KIAA1217: variants seen among roughly 807,000 people sequenced by gnomAD.
The protein encoded by KIAA1217 is KIAA1217.
Under a neutral mutation model 163.9 loss-of-function variants are expected in KIAA1217, and 88 were observed. That is an observed-to-expected ratio of 0.54 (90% confidence interval 0.45 to 0.64). The LOEUF is 0.64. KIAA1217 is among the 30% of genes least tolerant of loss of function. The pLI, the probability that KIAA1217 is intolerant of heterozygous loss-of-function variation, is 0.00. For missense variants in KIAA1217, 2,372 were observed against 2,475.0 expected, an observed-to-expected ratio of 0.96 and a Z score of 0.88; for synonymous variants, 903 against 923.1, an observed-to-expected ratio of 0.98 and a Z score of 0.39.
At chr10:24,276,313 GAA>G (rs1564389417) in intron 2 of KIAA1217, among the ~76,000 whole-genome samples, 2 of 152,162 alleles carry the variant, frequency 1.3e-5, no homozygotes, top group African/African-American at 4.8e-5. Context: ...TTTGAAAAAT[GAA>G]AGTCTTTTCA....
At chr10:24,243,847 T>C (rs1191535513) in intron 2 of KIAA1217, among the ~76,000 whole-genome samples, 2 of 152,150 alleles carry the variant, frequency 1.3e-5, no homozygotes, top group African/African-American at 4.8e-5. Context: ...GATCCTGTTT[T>C]AGAAGCCCAG....
intron 1 of KIAA1217, among the ~76,000 whole-genome samples, chr10:23,704,158 G>A (rs1455678916): frequency 2.7e-5 from 2 of 75,174 alleles, no homozygotes; most frequent in East Asian, 3.8e-4. Context: ...GTGTGTGTGT[G>A]TGTGTGTGTG....
intron 1 of KIAA1217, among the ~76,000 whole-genome samples, chr10:23,919,364 G>A (rs1009642439): frequency 1.3e-5 from 2 of 151,874 alleles, no homozygotes; most frequent in African/African-American, 4.8e-5. Flanking sequence ...CCAGCACTTT[G>A]GGAGGCCGAG....
chr10:24,103,544 A>C (rs2062501872), intron 2 of KIAA1217, among the ~76,000 whole-genome samples: 1 of 152,310 alleles, frequency 6.6e-6, no homozygotes, highest in African/African-American at 2.4e-5. Flanking sequence ...AACTCTTAAA[A>C]CCCAACAATA....
chr10:23,966,895 G>A (rs772147733), intron 1 of KIAA1217, among the ~76,000 whole-genome samples: 15 of 152,282 alleles, frequency 9.9e-5, no homozygotes, highest in South Asian at 4.1e-4. Flanking sequence ...TCTGCAATAT[G>A]TAGGCCATGT....
At chr10:24,468,261 G>A (rs964287132) in intron 5 of KIAA1217, among the ~76,000 whole-genome samples, 21 of 152,128 alleles carry the variant, frequency 1.4e-4, no homozygotes, top group African/African-American at 4.8e-4. Context: ...TTTATGGTAG[G>A]ATTCCCAAGT....
At chr10:24,238,369 G>A (rs1158529102) in intron 2 of KIAA1217, among the ~76,000 whole-genome samples, 5 of 152,146 alleles carry the variant, frequency 3.3e-5, no homozygotes, top group Non-Finnish European at 7.3e-5. Flanking sequence ...TAGACCTGGG[G>A]AGTAAGAGGT....
chr10:23,734,734 C>A (rs1285944797), intron 1 of KIAA1217, among the ~76,000 whole-genome samples: 1 of 152,040 alleles, frequency 6.6e-6, no homozygotes, highest in African/African-American at 2.4e-5. Context: ...GTGAGTCATC[C>A]ATGTTGCTGC....
chr10:24,110,837 G>C (rs1384418994), intron 2 of KIAA1217, among the ~76,000 whole-genome samples: 2 of 152,190 alleles, frequency 1.3e-5, no homozygotes, highest in Admixed American at 6.5e-5. Flanking sequence ...GAGCAGAGCA[G>C]GTTTTAGTTT....
At chr10:24,116,617 T>C (rs958295928) in intron 2 of KIAA1217, among the ~76,000 whole-genome samples, 8 of 152,192 alleles carry the variant, frequency 5.3e-5, no homozygotes, top group African/African-American at 1.9e-4. Context: ...GGATCCCTGA[T>C]GTAGAACAGC....
chr10:23,710,377 G>A (rs1028112894), intron 1 of KIAA1217, among the ~76,000 whole-genome samples: 2 of 152,170 alleles, frequency 1.3e-5, no homozygotes, highest in African/African-American at 2.4e-5. Flanking sequence ...CAGTTGCTCT[G>A]TTGTCACCAA....
intron 2 of KIAA1217, among the ~76,000 whole-genome samples, chr10:24,356,785 T>C (rs2049168650): frequency 6.6e-6 from 1 of 152,216 alleles, no homozygotes; most frequent in African/African-American, 2.4e-5. Context: ...CATCTTGATA[T>C]TGGACTTCCA....
At chr10:24,071,254 G>A (rs1174339135) in intron 2 of KIAA1217, among the ~76,000 whole-genome samples, 1 of 152,086 alleles carries the variant, frequency 6.6e-6, no homozygotes, top group Non-Finnish European at 1.5e-5. Context: ...ACAAAACATT[G>A]CGAGTTTTGT....
chr10:23,728,562 C>G (rs1352247860), intron 1 of KIAA1217, among the ~76,000 whole-genome samples: 1 of 151,722 alleles, frequency 6.6e-6, no homozygotes, highest in African/African-American at 2.4e-5. Flanking sequence ...GGATATTAGC[C>G]CTTTGTCAGA....
intron 2 of KIAA1217, among the ~76,000 whole-genome samples, chr10:24,065,972 T>C (rs551677616): frequency 1.3e-5 from 2 of 152,284 alleles, no homozygotes; most frequent in African/African-American, 4.8e-5. Flanking sequence ...AACCCCTGCC[T>C]TTTTTTGTTT....
At chr10:24,424,674 G>T (rs1186331859) in intron 3 of KIAA1217, among the ~76,000 whole-genome samples, 1 of 152,194 alleles carries the variant, frequency 6.6e-6, no homozygotes, top group African/African-American at 2.4e-5. Context: ...CATGATCTTG[G>T]CTCACTGCAA....
At chr10:24,392,709 C>T (rs916167451) in intron 3 of KIAA1217, among the ~76,000 whole-genome samples, 9 of 152,118 alleles carry the variant, frequency 5.9e-5, no homozygotes, top group East Asian at 3.8e-4. Flanking sequence ...ACACTTTCCC[C>T]GGGAATGACA....
At chr10:23,736,940 A>G (rs1424684882) in intron 1 of KIAA1217, among the ~76,000 whole-genome samples, 1 of 152,196 alleles carries the variant, frequency 6.6e-6, no homozygotes, top group Non-Finnish European at 1.5e-5. Context: ...TCAGCTTGCC[A>G]AGATCCATAA....
chr10:24,345,764 C>G (rs965448527), intron 2 of KIAA1217, among the ~76,000 whole-genome samples: 2 of 151,426 alleles, frequency 1.3e-5, no homozygotes, highest in Non-Finnish European at 2.9e-5. Flanking sequence ...CCCCCTTTCT[C>G]ATTTTATTCA....
Sources: allele counts gnomAD v4.1 joint callset (sites outside exome capture counted in the v4.1 genomes callset), GRCh38; gene constraint gnomAD v4.1.1; transcripts MANE v1.5; gene names NCBI Gene and HGNC (gene_info 2026-07-23, HGNC 2026-07-21).